Variants in TNNI3K observed in about 807,000 individuals in gnomAD.
TNNI3K encodes TNNI3 interacting kinase.
In TNNI3K, 140 loss-of-function variants were observed where a neutral mutation model predicts 114.5. The observed-to-expected ratio is 1.22, with a 90% CI of 1.07 to 1.41. The LOEUF (loss-of-function observed/expected upper bound fraction) is 1.41, where lower values mean the gene tolerates loss of function less well. Among genes scored for constraint, TNNI3K ranks in the 40% most tolerant of loss-of-function variants. TNNI3K has a pLI of 0.00. For missense variants in TNNI3K, 1,125 were observed against 1,007.6 expected (o/e 1.12, Z -1.58); for synonymous variants, 347 against 347.5 (o/e 1.00, Z 0.02).
At chr1:74,324,596 A>G (rs1464743142) in intron 5 of TNNI3K, among the ~76,000 whole-genome samples, 1 of 152,186 alleles carries the variant, frequency 6.6e-6, no homozygotes, top group African/African-American at 2.4e-5. Context: ...AGATAAACTT[A>G]CAGATCTCAG....
At chr1:74,359,353 A>G (rs1417888) in intron 11 of TNNI3K, among the ~76,000 whole-genome samples, 14,537 of 152,052 alleles carry the variant, frequency 0.096, 751 homozygotes, top group South Asian at 0.15. Context: ...AATCGAATCC[A>G]CATAACTCCC....
At chr1:74,281,547 C>T (rs938320314) in intron 5 of TNNI3K, among the ~76,000 whole-genome samples, 1 of 151,876 alleles carries the variant, frequency 6.6e-6, no homozygotes, top group African/African-American at 2.4e-5. Flanking sequence ...TTTAATGTCC[C>T]CATTATATTG....
chr1:74,472,461 T>G (rs1667982858), intron 21 of TNNI3K, among the ~76,000 whole-genome samples: 1 of 152,296 alleles, frequency 6.6e-6, no homozygotes, highest in South Asian at 2.1e-4. Flanking sequence ...TAAATGTTAT[T>G]TATAGTCATA....
At chr1:74,527,172 C>T (rs747429786) in intron 23 of TNNI3K, among the ~76,000 whole-genome samples, 19 of 152,118 alleles carry the variant, frequency 1.2e-4, no homozygotes, top group East Asian at 1.9e-4. Flanking sequence ...TTTACTAGCC[C>T]GTGCCAGGTG....
At chr1:74,367,119 A>T in intron 11 of TNNI3K, 137 bp from the exon 12 acceptor site, 1 of 799,704 alleles carries the variant, frequency 1.3e-6, no homozygotes, top group Non-Finnish European at 2.0e-6. Context: ...GAATGAACTA[A>T]ATTTCTATTG....
At chr1:74,381,681 C>G (rs745757291) in intron 17 of TNNI3K, among the ~76,000 whole-genome samples, 6 of 152,070 alleles carry the variant, frequency 3.9e-5, no homozygotes, top group Admixed American at 3.9e-4. Flanking sequence ...TTGGTTCGAA[C>G]TTGAATCAGG....
At chr1:74,409,645 G>C (rs538634741) in intron 17 of TNNI3K, among the ~76,000 whole-genome samples, 6 of 151,114 alleles carry the variant, frequency 4.0e-5, no homozygotes. Context: ...AGGTGTCTGC[G>C]ACACACCTGG....
intron 9 of TNNI3K, among the ~76,000 whole-genome samples, chr1:74,348,668 T>C (rs1259609798): frequency 6.6e-6 from 1 of 152,190 alleles, no homozygotes; most frequent in African/African-American, 2.4e-5. Context: ...TCCTCTTTTA[T>C]TTTACTGAGC....
At position 74,300,888 on chromosome 1, in the gene TNNI3K, T is replaced by C. The variant is rs146065394; in HGVS notation, c.444+29180T>C. On this transcript the variant is annotated intron_variant, in intron 5 of 24. Transcript: ENST00000326637. ...TTCTTTCTCTCTAACGTAATCATAATAACAGGATTGACTTGTTATGTTGTT... is the reference window on the plus strand; with the variant it reads ...TTCTTTCTCTCTAACGTAATCATAACAACAGGATTGACTTGTTATGTTGTT... Among the ~76,000 whole-genome samples the C allele has an allele frequency of 4.7e-3, 721 of 152,236 alleles. 7 individuals carry two copies. Among genetic ancestry groups the C allele is most frequent in the African/African-American group, 0.016 (648 of 41,550 alleles).
chr1:74,447,370 G>T (rs1266516544), intron 20 of TNNI3K, among the ~76,000 whole-genome samples: 1 of 149,862 alleles, frequency 6.7e-6, no homozygotes, highest in Non-Finnish European at 1.5e-5. Context: ...AAGAATGCTT[G>T]TGATTTTTCC....
At chr1:74,482,951 T>C (rs1668577918) in intron 21 of TNNI3K, among the ~76,000 whole-genome samples, 1 of 152,228 alleles carries the variant, frequency 6.6e-6, no homozygotes, top group South Asian at 2.1e-4. Flanking sequence ...AGAGTTCAAA[T>C]CTGCACAAAG....
At chr1:74,437,786 TAA>T (rs45456400) in intron 19 of TNNI3K, among the ~76,000 whole-genome samples, 3,476 of 152,004 alleles carry the variant, frequency 0.023, 55 homozygotes, top group Middle Eastern at 0.044. Context: ...CACATTAAAA[TAA>T]GTTTAGAAAC....
intron 24 of TNNI3K, 109 bp downstream of exon 24, chr1:74,540,422 G>T: frequency 1.0e-6 from 1 of 1,004,876 alleles, no homozygotes; most frequent in Non-Finnish European, 1.4e-6. Flanking sequence ...CAAAATGACA[G>T]ATGCTTTAAA....
intron 24 of TNNI3K, 62 bp from the exon 25 acceptor site, chr1:74,543,844 A>G: frequency 6.2e-7 from 1 of 1,601,044 alleles, no homozygotes; most frequent in Non-Finnish European, 8.5e-7. Flanking sequence ...GGCTGGTTAT[A>G]AAAAATTGGG....
chr1:74,429,498 G>A (rs1557560558), intron 17 of TNNI3K, among the ~76,000 whole-genome samples: 1 of 152,066 alleles, frequency 6.6e-6, no homozygotes. Flanking sequence ...GTTTGGCAGT[G>A]GCAGCTGCCA....
chr1:74,389,504 A>G (rs1380034987), intron 17 of TNNI3K, among the ~76,000 whole-genome samples: 5 of 152,136 alleles, frequency 3.3e-5, no homozygotes. Flanking sequence ...GCTTTGTTTG[A>G]TACACCTCTC....
intron 4 of TNNI3K, among the ~76,000 whole-genome samples, chr1:74,264,641 CCTT>C (rs1398699988): frequency 1.3e-5 from 2 of 151,926 alleles, no homozygotes; most frequent in African/African-American, 4.8e-5. Context: ...AAGTTCAGCT[CCTT>C]CTTGGAGTTT....
At chr1:74,477,558 GC>G (rs1336279154) in intron 21 of TNNI3K, among the ~76,000 whole-genome samples, 3 of 152,146 alleles carry the variant, frequency 2.0e-5, no homozygotes, top group Non-Finnish European at 4.4e-5. Flanking sequence ...GAACAAAAGG[GC>G]TAAGTTTTCT....
intron 5 of TNNI3K, among the ~76,000 whole-genome samples, chr1:74,303,973 T>C (rs536985775): frequency 6.6e-6 from 1 of 152,304 alleles, no homozygotes; most frequent in South Asian, 2.1e-4. Flanking sequence ...CCTGAAGGTA[T>C]GATTGAATTG....
Sources: gnomAD v4.1 joint callset for allele counts (sites outside exome capture counted in the v4.1 genomes callset) on GRCh38, gnomAD v4.1.1 for gene constraint, MANE v1.5 for transcripts, NCBI Gene and HGNC (gene_info 2026-07-23, HGNC 2026-07-21) for gene names.